CRPPA: variants seen among roughly 807,000 people sequenced by gnomAD.
CRPPA encodes the protein D-ribitol-5-phosphate cytidylyltransferase.
A neutral mutation model predicts 52.0 loss-of-function variants in CRPPA; 43 were observed. The observed-to-expected ratio is 0.83, with a 90% CI of 0.65 to 1.07. The LOEUF (loss-of-function observed/expected upper bound fraction) is 1.07. CRPPA is among the 50% of genes least tolerant of loss of function. CRPPA has a pLI of 0.00. For synonymous variants in CRPPA, 250 were observed against 203.5 expected, an observed-to-expected ratio of 1.23 and a Z score of -1.94; for missense variants, 629 against 551.7, an observed-to-expected ratio of 1.14 and a Z score of -1.40.
intron 9 of CRPPA, among the ~76,000 whole-genome samples, chr7:16,161,767 C>T (rs954769076): frequency 2.6e-5 from 4 of 152,138 alleles, no homozygotes; most frequent in African/African-American, 9.7e-5. Flanking sequence ...ATGGTACCAG[C>T]TCCTATTTGT....
At chr7:16,141,955 A>C (rs1237291360) in intron 9 of CRPPA, among the ~76,000 whole-genome samples, 3 of 152,118 alleles carry the variant, frequency 2.0e-5, no homozygotes, top group Non-Finnish European at 1.5e-5. Context: ...GCTGAATTTC[A>C]GCCTGTGAGA....
intron 2 of CRPPA, among the ~76,000 whole-genome samples, chr7:16,380,803 G>C (rs887375662): frequency 3.9e-5 from 6 of 152,130 alleles, no homozygotes; most frequent in Non-Finnish European, 7.4e-5. Flanking sequence ...ATTCTCTGAT[G>C]GTAGTTCGTA....
At chr7:16,417,180 T>C (rs1348168571) in intron 1 of CRPPA, among the ~76,000 whole-genome samples, 1 of 152,150 alleles carries the variant, frequency 6.6e-6, no homozygotes, top group Non-Finnish European at 1.5e-5. Context: ...GGGGAACACT[T>C]ATACACTGTT....
At chr7:16,130,885 C>G (rs1487773498) in intron 9 of CRPPA, among the ~76,000 whole-genome samples, 27 of 152,004 alleles carry the variant, frequency 1.8e-4, no homozygotes, top group Non-Finnish European at 2.9e-5. Context: ...AGGACAGAGC[C>G]ATCATTACTG....
intron 9 of CRPPA, among the ~76,000 whole-genome samples, chr7:16,111,661 C>T (rs1329938700): frequency 6.6e-6 from 1 of 152,056 alleles, no homozygotes; most frequent in East Asian, 1.9e-4. Context: ...ATAAAATAAG[C>T]CTGACACAGA....
intron 2 of CRPPA, among the ~76,000 whole-genome samples, chr7:16,393,215 T>C (rs567426638): frequency 6.6e-6 from 1 of 152,236 alleles, no homozygotes; most frequent in East Asian, 1.9e-4. Context: ...TTAGGAAACA[T>C]TAAAAATTAC....
intron 2 of CRPPA, among the ~76,000 whole-genome samples, chr7:16,383,951 G>A (rs1188242204): frequency 6.6e-6 from 1 of 152,234 alleles, no homozygotes; most frequent in Non-Finnish European, 1.5e-5. Context: ...CACTTCTCGA[G>A]TGAGGCAATG....
chr7:16,136,791 G>A (rs1369593984), intron 9 of CRPPA, among the ~76,000 whole-genome samples: 4 of 152,100 alleles, frequency 2.6e-5, no homozygotes, highest in Non-Finnish European at 4.4e-5. Flanking sequence ...ACATATACAC[G>A]CATACACAAA....
chr7:16,128,698 G>A (rs545555083), intron 9 of CRPPA, among the ~76,000 whole-genome samples: 71 of 152,230 alleles, frequency 4.7e-4, no homozygotes, highest in African/African-American at 1.6e-3. Flanking sequence ...TTGTTGGCCA[G>A]ATGGAAAAAT....
chr7:16,359,738 C>A (rs974333144), intron 3 of CRPPA, among the ~76,000 whole-genome samples: 1 of 152,178 alleles, frequency 6.6e-6, no homozygotes, highest in Non-Finnish European at 1.5e-5. Flanking sequence ...CCAAGAGGAC[C>A]TTTTAACTAC....
chr7:16,332,615 T>C (rs1392346286), intron 3 of CRPPA, among the ~76,000 whole-genome samples: 1 of 152,016 alleles, frequency 6.6e-6, no homozygotes, highest in East Asian at 1.9e-4. Context: ...CTAGCAACTA[T>C]GGCAAAAACT....
intron 2 of CRPPA, among the ~76,000 whole-genome samples, chr7:16,399,664 G>A (rs911011281): frequency 2.2e-4 from 34 of 152,080 alleles, no homozygotes; most frequent in African/African-American, 6.7e-4. Context: ...CGTGTGACAC[G>A]TGGCCGACGC....
intron 8 of CRPPA, among the ~76,000 whole-genome samples, chr7:16,232,690 TGAAAGATCAAAAAAACA>T (rs1562573825): frequency 6.6e-6 from 1 of 151,784 alleles, no homozygotes; most frequent in African/African-American, 2.4e-5. Context: ...CTAGTCCTGC[TGAAAGATCAAAAAAACA>T]AGACCTAAAT....
intron 8 of CRPPA, among the ~76,000 whole-genome samples, chr7:16,219,181 C>T (rs1782427619): frequency 6.6e-6 from 1 of 151,814 alleles, no homozygotes; most frequent in South Asian, 2.1e-4. Context: ...ACAACCTGCT[C>T]CTGAATGACT....
Position 16,421,292 on chromosome 7 carries a change from G to C in CRPPA, c.31C>G (p.Pro11Ala), listed in dbSNP as rs1583596244. The C allele has an allele frequency of 2.4e-6, 3 of 1,268,966 alleles. No homozygotes were observed. The African/African-American group carries it at 4.7e-5, about 20-fold the overall frequency. 78.6% of individuals were successfully genotyped at this position (1,268,966 alleles called of 1,614,324 possible). Residue 11 changes from proline (P) to alanine (A), a missense_variant, in exon 1 of 10, where the codon CCG becomes GCG. Physicochemically the swap from Pro to Ala is conservative, Grantham distance 27 (BLOSUM62 -1). Transcript: ENST00000407010. ...CTCAGGCAAGGACCCGGCTCCGCCG[G>C]CCTGGCGCTGCCCGGCGGCCCGGCC... The part of the protein sequence containing the change: MEAGPPGSAR[P>A]AEPGPCLSGQ...
intron 5 of CRPPA, among the ~76,000 whole-genome samples, chr7:16,300,875 G>T (rs1393950231): frequency 6.6e-6 from 1 of 152,128 alleles, no homozygotes; most frequent in Non-Finnish European, 1.5e-5. Context: ...CTATTTAGCT[G>T]GGATCTTTGA....
chr7:16,367,071 A>G (rs1786614609), intron 3 of CRPPA, among the ~76,000 whole-genome samples: 6 of 151,732 alleles, frequency 4.0e-5, no homozygotes, highest in Admixed American at 3.9e-4. Context: ...ATCCCTACTC[A>G]TTTCTCTTTA....
chr7:16,251,936 A>G (rs1158718862), intron 8 of CRPPA, among the ~76,000 whole-genome samples: 1 of 152,184 alleles, frequency 6.6e-6, no homozygotes, highest in Admixed American at 6.5e-5. Flanking sequence ...CAGTGAGTCC[A>G]GGAGATGACA....
chr7:16,132,412 G>A (rs1375438628), intron 9 of CRPPA, among the ~76,000 whole-genome samples: 2 of 124,844 alleles, frequency 1.6e-5, no homozygotes, highest in African/African-American at 5.2e-5. Context: ...ACATAATGAA[G>A]AAAGCATATA....
Sources: gnomAD v4.1 joint callset for allele counts (sites outside exome capture counted in the v4.1 genomes callset) on GRCh38, gnomAD v4.1.1 for gene constraint, MANE v1.5 for transcripts, NCBI Gene and HGNC (gene_info 2026-07-23, HGNC 2026-07-21) for gene names.